Variants in RORB observed in about 807,000 individuals in gnomAD.
The protein encoded by RORB is RAR related orphan receptor B, also known as nuclear receptor ROR-beta.
A neutral mutation model predicts 59.1 loss-of-function variants in RORB; 6 were observed. The ratio of observed to expected loss-of-function variants is 0.10; its 90% CI spans 0.06 to 0.20. The LOEUF (loss-of-function observed/expected upper bound fraction) is 0.20. Among genes scored for constraint, RORB ranks in the 10% least tolerant of loss-of-function variants. The probability of loss-of-function intolerance (pLI) is 1.00; values close to 1 mark genes in which losing one functional copy is unlikely to be tolerated. For missense variants in RORB, 320 were observed against 560.5 expected (o/e 0.57, Z 4.33); for synonymous variants, 215 against 204.5 (o/e 1.05, Z -0.44).
rs180733590 is a variant in RORB, at chr9:74,664,925, G to A, written c.893-563G>A. The stretch of plus-strand genomic sequence containing the variant: ...TTAATAATGCTCAAAGGGAAAAACA[G>A]TGGTAGTAAACAAATTCATTCAATA... On this transcript the variant is annotated intron_variant, in intron 6 of 9. Transcript: ENST00000376896. Among the ~76,000 whole-genome samples the A allele has an allele frequency of 3.6e-3, 546 of 152,302 alleles. 3 individuals are homozygous for A. Among genetic ancestry groups the A allele is most frequent in the African/African-American group, 0.013 (527 of 41,572 alleles).
At chr9:74,621,654 A>G (rs1396767322) in intron 1 of RORB, among the ~76,000 whole-genome samples, 1 of 152,232 alleles carries the variant, frequency 6.6e-6, no homozygotes. Flanking sequence ...GCTTTGTAAG[A>G]AACTGTCAAA....
At chr9:74,600,854 G>A (rs1401291998) in intron 1 of RORB, among the ~76,000 whole-genome samples, 1 of 152,088 alleles carries the variant, frequency 6.6e-6, no homozygotes, top group Non-Finnish European at 1.5e-5. Flanking sequence ...CTTCTATCTA[G>A]GGTTGAGCAG....
At chr9:74,636,486 G>T (rs139606564) in intron 3 of RORB, among the ~76,000 whole-genome samples, 3 of 152,088 alleles carry the variant, frequency 2.0e-5, no homozygotes, top group Non-Finnish European at 4.4e-5. Flanking sequence ...AAATTTAGAC[G>T]GTCTGAATCC....
At chr9:74,519,102 T>C (rs1232861887) in intron 1 of RORB, among the ~76,000 whole-genome samples, 1 of 151,962 alleles carries the variant, frequency 6.6e-6, no homozygotes, top group East Asian at 1.9e-4. Context: ...ACCGAATCCT[T>C]TCCTAAGAAC....
chr9:74,535,421 G>T (rs1370957550), intron 1 of RORB, among the ~76,000 whole-genome samples: 1 of 151,964 alleles, frequency 6.6e-6, no homozygotes, highest in East Asian at 1.9e-4. Flanking sequence ...TTCCAGGGCT[G>T]TGCCTAGGAT....
intron 1 of RORB, among the ~76,000 whole-genome samples, chr9:74,508,250 A>G (rs1370177538): frequency 1.3e-5 from 2 of 151,996 alleles, no homozygotes; most frequent in Admixed American, 1.3e-4. Context: ...CAATAATGAG[A>G]ATCCTAGTCA....
chr9:74,593,222 T>C (rs1822925499), intron 1 of RORB, among the ~76,000 whole-genome samples: 1 of 152,080 alleles, frequency 6.6e-6, no homozygotes, highest in African/African-American at 2.4e-5. Flanking sequence ...ATCCCAGCAC[T>C]TTGGGAGGCC....
At chr9:74,529,956 A>C (rs139069508) in intron 1 of RORB, among the ~76,000 whole-genome samples, 1 of 151,892 alleles carries the variant, frequency 6.6e-6, no homozygotes, top group East Asian at 1.9e-4. Flanking sequence ...ATTTAGCAAC[A>C]CTCCACAGCT....
At chr9:74,530,874 A>T (rs998837753) in intron 1 of RORB, among the ~76,000 whole-genome samples, 6 of 146,108 alleles carry the variant, frequency 4.1e-5, no homozygotes, top group Admixed American at 6.8e-5. Flanking sequence ...CCTTCCCCCT[A>T]CCCCCTACCC....
At chr9:74,589,754 C>A (rs1274281488) in intron 1 of RORB, among the ~76,000 whole-genome samples, 3 of 152,260 alleles carry the variant, frequency 2.0e-5, no homozygotes, top group South Asian at 4.1e-4. Context: ...GACTTTCTGG[C>A]CTCGCTTGTT....
chr9:74,502,795 G>C (rs910890621), intron 1 of RORB, among the ~76,000 whole-genome samples: 5 of 152,032 alleles, frequency 3.3e-5, no homozygotes, highest in African/African-American at 1.2e-4. Context: ...CCAAAGTGAA[G>C]ACTGTCAAAT....
At chr9:74,546,488 G>T (rs757169884) in intron 1 of RORB, among the ~76,000 whole-genome samples, 2 of 151,990 alleles carry the variant, frequency 1.3e-5, no homozygotes, top group South Asian at 2.1e-4. Context: ...AAGTGAAAAA[G>T]GTTTTAGAAG....
intron 1 of RORB, among the ~76,000 whole-genome samples, chr9:74,612,209 T>C (rs1202044369): frequency 2.6e-5 from 4 of 151,898 alleles, no homozygotes; most frequent in African/African-American, 4.8e-5. Context: ...GTGTGGGTAA[T>C]TGGAGCAGAG....
intron 4 of RORB, among the ~76,000 whole-genome samples, chr9:74,654,240 ACTTT>A (rs751670707): frequency 2.0e-5 from 3 of 151,978 alleles, no homozygotes; most frequent in Admixed American, 6.6e-5. Flanking sequence ...CTTACATTGG[ACTTT>A]CTTTCTTACT....
At chr9:74,660,877 TC>T in intron 5 of RORB, 139 bp downstream of exon 5, 1 of 806,374 alleles carries the variant, frequency 1.2e-6, no homozygotes, top group Non-Finnish European at 1.9e-6. Flanking sequence ...CTTACCAGCA[TC>T]CCTGGCCCTA....
intron 1 of RORB, among the ~76,000 whole-genome samples, chr9:74,534,314 C>A (rs984391523): frequency 2.0e-5 from 3 of 151,910 alleles, no homozygotes; most frequent in African/African-American, 7.2e-5. Flanking sequence ...GATATTATTT[C>A]TTTGATCTTA....
At chr9:74,667,937 A>T in intron 8 of RORB, 36 bp downstream of exon 8, 1 of 1,343,156 alleles carries the variant, frequency 7.4e-7, no homozygotes, top group South Asian at 1.2e-5. Flanking sequence ...TTTTTAAAAA[A>T]CTTGTTTTAC....
At chr9:74,646,469 C>T (rs1014804403) in intron 4 of RORB, among the ~76,000 whole-genome samples, 7 of 152,112 alleles carry the variant, frequency 4.6e-5, no homozygotes, top group African/African-American at 1.4e-4. Flanking sequence ...AGTTCACCAA[C>T]GAAACTACAA....
chr9:74,610,783 A>T (rs988484457), intron 1 of RORB, among the ~76,000 whole-genome samples: 4 of 152,228 alleles, frequency 2.6e-5, no homozygotes, highest in Non-Finnish European at 4.4e-5. Flanking sequence ...AAACATGAGC[A>T]TGCCTCAGAA....
Sources: gnomAD v4.1 joint callset for allele counts (sites outside exome capture counted in the v4.1 genomes callset) on GRCh38, gnomAD v4.1.1 for gene constraint, MANE v1.5 for transcripts, NCBI Gene and HGNC (gene_info 2026-07-23, HGNC 2026-07-21) for gene names.